The following CHCHD3 variants were observed in gnomAD, a reference collection of about 807,000 sequenced individuals.
CHCHD3 encodes the protein MICOS complex subunit MIC19.
CHCHD3 carries 20 observed loss-of-function variants against 38.2 expected under a neutral mutation model. That is an observed-to-expected ratio of 0.52 (90% CI 0.37 to 0.76). The LOEUF (loss-of-function observed/expected upper bound fraction) is 0.76, where lower values mean the gene tolerates loss of function less well. Among genes scored for constraint, CHCHD3 ranks in the 30% least tolerant of loss-of-function variants. The probability of loss-of-function intolerance (pLI) is 0.00; values close to 1 mark genes in which losing one functional copy is unlikely to be tolerated. For missense variants in CHCHD3, 245 were observed against 279.2 expected, an observed-to-expected ratio of 0.88 and a Z score of 0.87; for synonymous variants, 82 against 100.0, an observed-to-expected ratio of 0.82 and a Z score of 1.07.
At chr7:132,822,319 T>C (rs1384185564) in intron 6 of CHCHD3, among the ~76,000 whole-genome samples, 1 of 152,186 alleles carries the variant, frequency 6.6e-6, no homozygotes, top group African/African-American at 2.4e-5. Context: ...TCTAGGGAAT[T>C]ACAAACTAGC....
At chr7:133,062,969 C>T (rs763996827) in intron 2 of CHCHD3, among the ~76,000 whole-genome samples, 1 of 152,186 alleles carries the variant, frequency 6.6e-6, no homozygotes, top group Non-Finnish European at 1.5e-5. Context: ...AGAAAACGAT[C>T]GGAAGATGTA....
intron 4 of CHCHD3, among the ~76,000 whole-genome samples, chr7:132,919,269 T>C (rs111975147): frequency 0.079 from 11,958 of 151,840 alleles, 1,115 homozygotes; most frequent in East Asian, 0.21. Flanking sequence ...CCAGCATGCC[T>C]GGCTAATTTT....
chr7:133,060,620 A>C (rs187975865), intron 2 of CHCHD3, among the ~76,000 whole-genome samples: 2 of 152,290 alleles, frequency 1.3e-5, no homozygotes, highest in Admixed American at 6.5e-5. Context: ...TCAAAAACCC[A>C]AAAGGAGGCC....
chr7:132,896,085 T>C (rs986554444), intron 4 of CHCHD3, among the ~76,000 whole-genome samples: 1 of 148,100 alleles, frequency 6.8e-6, no homozygotes, highest in African/African-American at 2.7e-5. Context: ...TTATCTATCA[T>C]CTGGTGGTTG....
intron 6 of CHCHD3, among the ~76,000 whole-genome samples, chr7:132,808,164 G>A (rs1806980325): frequency 6.6e-6 from 1 of 152,158 alleles, no homozygotes; most frequent in Non-Finnish European, 1.5e-5. Flanking sequence ...AACCTTGTGA[G>A]AAAAGACACA....
intron 2 of CHCHD3, among the ~76,000 whole-genome samples, chr7:133,060,006 A>T (rs1814454837): frequency 6.6e-6 from 1 of 152,250 alleles, no homozygotes. Context: ...ATGTAATTGT[A>T]ACACAATGAA....
intron 4 of CHCHD3, among the ~76,000 whole-genome samples, chr7:132,908,075 C>T (rs528051772): frequency 7.2e-5 from 11 of 151,924 alleles, no homozygotes; most frequent in South Asian, 2.1e-4. Context: ...AGATCAGTCA[C>T]GCTATTCTAA....
intron 3 of CHCHD3, among the ~76,000 whole-genome samples, chr7:132,975,576 C>A (rs1427250977): frequency 6.6e-6 from 1 of 152,014 alleles, no homozygotes; most frequent in African/African-American, 2.4e-5. Context: ...AAAATCTGCC[C>A]ACCAAAAAAA....
At chr7:133,026,821 A>T (rs2117446363) in intron 2 of CHCHD3, among the ~76,000 whole-genome samples, 1 of 152,366 alleles carries the variant, frequency 6.6e-6, no homozygotes. Context: ...CAGAATAGAA[A>T]AGTCCATAGA....
intron 4 of CHCHD3, chr7:132,972,699 T>C (rs760556417): frequency 9.7e-5 from 96 of 985,308 alleles, no homozygotes; most frequent in Non-Finnish European, 1.1e-4. Context: ...ACTCTCTCAA[T>C]CAGCTGTCAT....
chr7:132,893,489 T>C (rs1809420589), intron 4 of CHCHD3, among the ~76,000 whole-genome samples: 1 of 152,216 alleles, frequency 6.6e-6, no homozygotes, highest in East Asian at 1.9e-4. Context: ...GGTTAATGCT[T>C]GAATGAGTTA....
chr7:132,832,473 T>C (rs1807674572), intron 6 of CHCHD3, among the ~76,000 whole-genome samples: 3 of 152,218 alleles, frequency 2.0e-5, no homozygotes, highest in Non-Finnish European at 2.9e-5. Flanking sequence ...AAAAATATTT[T>C]CAATAGATCT....
intron 6 of CHCHD3, among the ~76,000 whole-genome samples, chr7:132,832,992 A>G (rs959893787): frequency 6.6e-6 from 1 of 152,238 alleles, no homozygotes; most frequent in Admixed American, 6.5e-5. Context: ...ACAAATACAG[A>G]GATTTCTCCG....
intron 6 of CHCHD3, among the ~76,000 whole-genome samples, chr7:132,803,856 A>G (rs1806849527): frequency 6.9e-6 from 1 of 145,154 alleles, no homozygotes; most frequent in Non-Finnish European, 1.5e-5. Context: ...TGGAGAAAAA[A>G]CAGAGGGATT....
chr7:132,967,841 A>G (rs958328202), intron 4 of CHCHD3, among the ~76,000 whole-genome samples: 4 of 151,258 alleles, frequency 2.6e-5, no homozygotes, highest in Admixed American at 6.6e-5. Context: ...AAAAAAAAAA[A>G]AAGAACCTAG....
chr7:132,984,711 C>G (rs931657507), intron 3 of CHCHD3, among the ~76,000 whole-genome samples: 2 of 150,810 alleles, frequency 1.3e-5, no homozygotes, highest in African/African-American at 4.9e-5. Flanking sequence ...TCTGCCCGGC[C>G]GCTCCGTCTG....
At chr7:132,995,847 T>G (rs1157149198) in intron 3 of CHCHD3, among the ~76,000 whole-genome samples, 1 of 152,222 alleles carries the variant, frequency 6.6e-6, no homozygotes, top group African/African-American at 2.4e-5. Context: ...ATGCATAATA[T>G]TCCACTACCA....
intron 4 of CHCHD3, among the ~76,000 whole-genome samples, chr7:132,906,424 T>G (rs1043096529): frequency 7.2e-5 from 11 of 152,228 alleles, no homozygotes; most frequent in Non-Finnish European, 1.5e-4. Flanking sequence ...TAACACCCCC[T>G]CCACCTCTTT....
At chr7:132,890,369 T>A (rs913291355) in intron 4 of CHCHD3, among the ~76,000 whole-genome samples, 4 of 152,184 alleles carry the variant, frequency 2.6e-5, no homozygotes, top group Non-Finnish European at 5.9e-5. Flanking sequence ...ACTGGGCTGA[T>A]AGAAACTTTA....
Sources: allele counts gnomAD v4.1 joint callset (sites outside exome capture counted in the v4.1 genomes callset), GRCh38; gene constraint gnomAD v4.1.1; transcripts MANE v1.5; gene names NCBI Gene and HGNC (gene_info 2026-07-23, HGNC 2026-07-21).